The following NCOA7 variants were observed in gnomAD, a reference collection of about 807,000 sequenced individuals.
NCOA7 encodes the protein nuclear receptor coactivator 7.
In NCOA7, 45 loss-of-function variants were observed where a neutral mutation model predicts 104.3. That is an observed-to-expected ratio of 0.43 (90% CI 0.34 to 0.55). The LOEUF is 0.55. Among genes scored for constraint, NCOA7 ranks in the 20% least tolerant of loss-of-function variants. The pLI is 0.02. For synonymous variants in NCOA7, 398 were observed against 402.3 expected, an observed-to-expected ratio of 0.99 and a Z score of 0.13; for missense variants, 1,041 against 1,119.7, an observed-to-expected ratio of 0.93 and a Z score of 1.00.
At chr6:125,913,958 G>A (rs146812071) in intron 10 of NCOA7, among the ~76,000 whole-genome samples, 6 of 152,278 alleles carry the variant, frequency 3.9e-5, no homozygotes, top group African/African-American at 9.6e-5. Context: ...TAAACTAAAA[G>A]GATAAGCAAG....
chr6:125,930,535 A>T lies in NCOA7; in HGVS notation c.*1764A>T, dbSNP rs1788406048. On this transcript the variant is annotated 3_prime_UTR_variant, in exon 16 of 16. Coordinates refer to ENST00000392477, the MANE Select transcript of NCOA7 (RefSeq NM_181782.5). ...TAATTTTTGAAAGGAAAAATGTATA[A>T]CAAGTACTATTTACATATCTGCATT... 1 of 152,634 alleles carries T rather than the reference A, an allele frequency of 6.6e-6. No homozygotes were observed. Among genetic ancestry groups the T allele is most frequent in the African/African-American group, 2.4e-5 (1 of 41,454 alleles). 9.5% of individuals were successfully genotyped at this position (152,634 alleles called of 1,614,324 possible). A position where few individuals can be genotyped will look rare whatever the true frequency, so the allele number is the denominator to read the frequency against.
intron 10 of NCOA7, among the ~76,000 whole-genome samples, chr6:125,914,624 C>T (rs1437027068): frequency 6.6e-6 from 1 of 152,124 alleles, no homozygotes; most frequent in Non-Finnish European, 1.5e-5. Context: ...TGCCCTTTCT[C>T]CTGTTGTGAT....
chr6:125,915,887 T>C (rs1294316514), intron 11 of NCOA7, among the ~76,000 whole-genome samples: 1 of 152,220 alleles, frequency 6.6e-6, no homozygotes, highest in Non-Finnish European at 1.5e-5. Context: ...ATGACTGTGT[T>C]TCATTTCACA....
chr6:125,843,331 C>T (rs1451599396), intron 2 of NCOA7, among the ~76,000 whole-genome samples: 1 of 152,096 alleles, frequency 6.6e-6, no homozygotes, highest in Non-Finnish European at 1.5e-5. Context: ...GGGAGGATGG[C>T]CCTGTGGACG....
At chr6:125,811,278 C>A (rs1423467953) in intron 1 of NCOA7, among the ~76,000 whole-genome samples, 1 of 152,130 alleles carries the variant, frequency 6.6e-6, no homozygotes, top group Non-Finnish European at 1.5e-5. Flanking sequence ...TATCCCCAGT[C>A]CTGGATTAAT....
chr6:125,890,626 T>C lies in NCOA7; in HGVS notation c.1928-16T>C. The C allele has an allele frequency of 1.9e-6, 3 of 1,597,198 alleles. No individual in the cohort carries two copies. The highest frequency in any genetic ancestry group is 4.5e-5 in the East Asian group (2 of 44,534). On this transcript the variant is annotated splice_polypyrimidine_tract_variant and intron_variant, in intron 9 of 15. Coordinates refer to ENST00000392477, the MANE Select transcript of NCOA7 (RefSeq NM_181782.5). ...ATTGTCAATATTGAGGAACAGTTTTTTCGTGTGTGATTCAGATATACTTCC... is the reference window on the plus strand; with the variant it reads ...ATTGTCAATATTGAGGAACAGTTTTCTCGTGTGTGATTCAGATATACTTCC...
At chr6:125,851,524 T>C (rs1384200927) in intron 2 of NCOA7, among the ~76,000 whole-genome samples, 1 of 152,240 alleles carries the variant, frequency 6.6e-6, no homozygotes, top group Admixed American at 6.5e-5. Flanking sequence ...GTTTATTCCA[T>C]TTCTTTGCAA....
chr6:125,878,155 G>A, intron 4 of NCOA7, 108 bp from the exon 5 acceptor site: 1 of 559,818 alleles, frequency 1.8e-6, no homozygotes, highest in Non-Finnish European at 3.0e-6. Flanking sequence ...CTATCTTGAT[G>A]GAACTATTAG....
At position 125,839,101 on chromosome 6, in the gene NCOA7, C is replaced by T. The variant is rs115519108; in HGVS notation, c.51-15919C>T. Among the ~76,000 whole-genome samples the T allele has an allele frequency of 4.0e-3, 603 of 151,950 alleles. 1 individual carries two copies. The highest frequency in any genetic ancestry group is 0.014 in the African/African-American group (573 of 41,452). Reference sequence around the variant, plus strand: ...TGCATGATTGATTAAATCATTAGCCCTTGGTGATTTTTGTTTGTTTGTTTG... The same window carrying T: ...TGCATGATTGATTAAATCATTAGCCTTTGGTGATTTTTGTTTGTTTGTTTG... On this transcript the variant is annotated intron_variant, in intron 2 of 15. Coordinates refer to ENST00000392477, the MANE Select transcript of NCOA7 (RefSeq NM_181782.5).
At chr6:125,851,319 A>G (rs1431268300) in intron 2 of NCOA7, among the ~76,000 whole-genome samples, 2 of 152,144 alleles carry the variant, frequency 1.3e-5, no homozygotes, top group African/African-American at 4.8e-5. Flanking sequence ...CTCATAGCTT[A>G]GCTCCCACTT....
At chr6:125,913,479 C>T (rs2128687482) in intron 10 of NCOA7, 1 of 194,234 alleles carries the variant, frequency 5.1e-6, no homozygotes, top group Non-Finnish European at 9.4e-6. Context: ...TGCTGTTTGA[C>T]CAAAAGCTGC....
intron 3 of NCOA7, among the ~76,000 whole-genome samples, chr6:125,868,738 C>G (rs910503308): frequency 6.6e-6 from 1 of 152,218 alleles, no homozygotes; most frequent in Non-Finnish European, 1.5e-5. Context: ...GTACCCCTTT[C>G]TTTGAAAAAT....
intron 2 of NCOA7, among the ~76,000 whole-genome samples, chr6:125,826,318 AAGACT>A (rs1435814060): frequency 6.7e-6 from 1 of 150,296 alleles, no homozygotes; most frequent in Non-Finnish European, 1.5e-5. Flanking sequence ...GTGACAGAGC[AAGACT>A]CCGTCTCTAA....
chr6:125,785,448 A>T (rs973115378), intron 1 of NCOA7, among the ~76,000 whole-genome samples: 4 of 152,166 alleles, frequency 2.6e-5, no homozygotes, highest in African/African-American at 9.7e-5. Context: ...TGGGGAGAAA[A>T]CTAGGAGGAA....
intron 3 of NCOA7, among the ~76,000 whole-genome samples, chr6:125,865,150 A>C (rs370287112): frequency 1.4e-5 from 2 of 138,562 alleles, no homozygotes; most frequent in Admixed American, 1.4e-4. Flanking sequence ...AAGCTGAGTA[A>C]CTGGCCAGGG....
At chr6:125,906,597 A>AG (rs1022790280) in intron 10 of NCOA7, among the ~76,000 whole-genome samples, 1 of 152,156 alleles carries the variant, frequency 6.6e-6, no homozygotes, top group Non-Finnish European at 1.5e-5. Context: ...GCCTACCTCT[A>AG]GGGGGCACTG....
chr6:125,836,661 A>C (rs772764176), intron 2 of NCOA7, among the ~76,000 whole-genome samples: 14 of 152,222 alleles, frequency 9.2e-5, no homozygotes, highest in Non-Finnish European at 7.3e-5. Flanking sequence ...TATTATTCCA[A>C]CATTACAAAT....
Position 125,929,627 on chromosome 6 carries a change from T to C in NCOA7, c.*856T>C, listed in dbSNP as rs1335112845. 1.3e-5 allele frequency: 2 copies of C among 152,146 alleles called. No homozygotes were observed. The highest frequency in any genetic ancestry group is 4.8e-5 in the African/African-American group (2 of 41,400). The allele number at this position is 152,146 out of a possible 1,614,324, so 9.4% of individuals were successfully genotyped here. On this transcript the variant is annotated 3_prime_UTR_variant, in exon 16 of 16. Transcript: ENST00000392477. ...TTTAGTCAATAAAAGCGTACATTTTTAGTTACTTACCTTGAACATATTCGT... is the reference window on the plus strand; with the variant it reads ...TTTAGTCAATAAAAGCGTACATTTTCAGTTACTTACCTTGAACATATTCGT...
chr6:125,928,710 A>G lies in NCOA7; in HGVS notation c.2768A>G (p.Asp923Gly). Residue 923 changes from aspartate (D) to glycine (G), a missense_variant, in exon 16 of 16, where the codon GAT becomes GGT. This residue lies in a region of NCOA7 where 127 missense variants were observed against 177.0 expected (regional missense o/e 0.72). Transcript: ENST00000392477. ...AACTCTTGCAGCACTTTCAATAATG[A>G]TATTCTTTCCAAAAAGGAAGACTTC... ...RSNSCSTFNNDILSKKEDFIV... is the reference protein window; with the variant it reads ...RSNSCSTFNNGILSKKEDFIV... The G allele has an allele frequency of 1.2e-6, 2 of 1,613,590 alleles. No homozygotes were observed. The highest frequency in any genetic ancestry group is 2.2e-5 in the South Asian group (2 of 91,054).
Sources: allele counts gnomAD v4.1 joint callset (sites outside exome capture counted in the v4.1 genomes callset), GRCh38; gene constraint gnomAD v4.1.1; regional missense constraint gnomAD v4.1.1; transcripts MANE v1.5; gene names NCBI Gene and HGNC (gene_info 2026-07-23, HGNC 2026-07-21).